Variants in L1CAM observed in about 807,000 individuals in gnomAD.
The protein encoded by L1CAM is L1 cell adhesion molecule, also known as neural cell adhesion molecule L1.
Under a neutral mutation model 93.0 loss-of-function variants are expected in L1CAM, and 8 were observed. The ratio of observed to expected loss-of-function variants is 0.09; its 90% CI spans 0.05 to 0.16. The LOEUF is 0.16. Ranked by LOEUF, L1CAM falls within the 10% of genes least tolerant of loss-of-function variation. L1CAM has a pLI of 1.00. For synonymous variants in L1CAM, 453 were observed against 453.0 expected, an observed-to-expected ratio of 1.00 and a Z score of 0.00; for missense variants, 777 against 1,073.4, an observed-to-expected ratio of 0.72 and a Z score of 3.86.
At chrX:153,873,666 G>A (rs951081949) in intron 2 of L1CAM, among the ~76,000 whole-genome samples, 1 of 112,738 alleles carries the variant, frequency 8.9e-6, no homozygotes, top group African/African-American at 3.2e-5. Context: ...CCCTGCTCCA[G>A]CCTGCTTCCC....
intron 2 of L1CAM, among the ~76,000 whole-genome samples, chrX:153,874,039 C>T (rs1410721393): frequency 8.9e-6 from 1 of 112,600 alleles, no homozygotes; most frequent in Non-Finnish European, 1.9e-5. Flanking sequence ...CCTGGGGACA[C>T]TGCAGAGGGC....
In L1CAM at chrX:153,867,384, G is replaced by A. The variant is rs782369760; in HGVS notation, c.2109C>T (p.Val703=). 1.7e-6 allele frequency: 2 copies of A among 1,210,130 alleles called. No individual in the cohort carries two copies. The highest frequency in any genetic ancestry group is 3.5e-5 in the South Asian group (2 of 56,889). Residue 703 remains valine, a synonymous_variant, in exon 17 of 29, where the codon GTC becomes GTT. Transcript: ENST00000370060. ...NKYGPGEPSP[V]SETVVTPEAA... The stretch of plus-strand genomic sequence containing the variant: ...CCTCAGGTGTGACCACAGTCTCAGA[G>A]ACCGGGCTGGGCTCCCCGGGGCCAT...
At chrX:153,866,626 G>A (rs1557090933) in intron 19 of L1CAM, 23 bp downstream of exon 19, 12 of 1,161,871 alleles carry the variant, frequency 1.0e-5, no homozygotes, top group South Asian at 3.6e-5. Flanking sequence ...AACCGTGGGC[G>A]AGGGGCCCTG....
In L1CAM at chrX:153,873,803, G is replaced by C. The variant is rs782794942; in HGVS notation, c.77-561C>G. ...GCCTCTGAGTTTCCATAGCCTGCGG[G>C]GTTGGCGCCAGCCCTCCTCTTCTCC... On this transcript the variant is annotated intron_variant, in intron 2 of 28. Coordinates refer to ENST00000370060, the MANE Select transcript of L1CAM (RefSeq NM_001278116.2). Among the ~76,000 whole-genome samples, 5 of 112,770 alleles carry C rather than the reference G, an allele frequency of 4.4e-5. No individual in the cohort carries two copies. The South Asian group carries it at 1.8e-3, about 41-fold the overall frequency.
chrX:153,885,721 C>G (rs2064875227), intron 1 of L1CAM: 2 of 414,004 alleles, frequency 4.8e-6, no homozygotes, highest in Non-Finnish European at 6.8e-6. Flanking sequence ...CTCAGACACG[C>G]ACACACGCAC....
intron 2 of L1CAM, 58 bp from the exon 3 acceptor site, chrX:153,873,300 C>T: frequency 8.8e-7 from 1 of 1,131,004 alleles, no homozygotes; most frequent in Non-Finnish European, 1.2e-6. Context: ...GACAGGCAGC[C>T]CCAGAGTGGG....
At chrX:153,871,870 T>G (rs868962293) in intron 5 of L1CAM, among the ~76,000 whole-genome samples, 3 of 9,130 alleles carry the variant, frequency 3.3e-4, no homozygotes, top group African/African-American at 7.3e-4. Flanking sequence ...CGCCCCCCCC[T>G]CCCCCCGCCA....
chrX:153,872,785 G>A, intron 3 of L1CAM, 88 bp from the exon 4 acceptor site: 1 of 786,267 alleles, frequency 1.3e-6, no homozygotes, highest in Non-Finnish European at 2.0e-6. Flanking sequence ...AGGGAAGCAG[G>A]GTCCAGAGCC....
At position 153,868,363 on chromosome X, in the gene L1CAM, G is replaced by T. The variant is rs1248519634; in HGVS notation, c.1642C>A (p.Gln548Lys). 2 of 1,209,996 alleles carry T rather than the reference G, an allele frequency of 1.7e-6. No homozygotes were observed. The highest frequency in any genetic ancestry group is 3.5e-5 in the African/African-American group (2 of 57,147). ...TCCCCACGCCAGGTGATGCTGGGCT[G>T]CAAGGAGGGGTCAAAGGAGGCCTGG... ...TCQASFDPSLQPSITWRGDGR... is the reference protein window; with the variant it reads ...TCQASFDPSLKPSITWRGDGR... The change falls in exon 14 of 29, where the codon CAG (glutamine) becomes AAG (lysine). Residue 548 changes from glutamine to lysine, a missense_variant. Physicochemically the swap from Gln to Lys is moderately conservative, Grantham distance 53 (BLOSUM62 1). Around this residue, in one of 5 missense-constraint regions of L1CAM, gnomAD observed 574 missense variants for 781.0 expected, o/e 0.73. Transcript: ENST00000370060.
chrX:153,869,746 C>G (rs2064750063), intron 10 of L1CAM, 57 bp downstream of exon 10: 1 of 1,203,076 alleles, frequency 8.3e-7, no homozygotes, highest in East Asian at 3.0e-5. Context: ...CTCTTCCTCT[C>G]CCCCACAGCC....
chrX:153,869,806 C>T lies in L1CAM; in HGVS notation c.1120G>A (p.Glu374Lys), dbSNP rs202070860. The T allele has an allele frequency of 8.3e-7, 1 of 1,211,054 alleles. No individual in the cohort carries two copies. The highest frequency in any genetic ancestry group is 1.1e-6 in the Non-Finnish European group (1 of 895,207). Reference sequence around the variant, plus strand: ...TCCTGCCTGAGGCCCTGCTCACCCTCCACAGGGATCCCGTTGATTCTCCAG... The same window carrying T: ...TCCTGCCTGAGGCCCTGCTCACCCTTCACAGGGATCCCGTTGATTCTCCAG... ...VTWRINGIPV[E>K]ELAKDQKYRI... The change falls in exon 10 of 29, where the codon GAG becomes AAG. Residue 374 changes from glutamate (E) to lysine (K), a missense_variant. By Grantham distance (56) the Glu-to-Lys change is moderately conservative. This residue lies in a region of L1CAM where 574 missense variants were observed against 781.0 expected (regional missense o/e 0.73). Coordinates refer to ENST00000370060, the MANE Select transcript of L1CAM (RefSeq NM_001278116.2).
intron 22 of L1CAM, 30 bp downstream of exon 22, chrX:153,865,058 C>T: frequency 9.1e-6 from 11 of 1,211,690 alleles, no homozygotes; most frequent in Non-Finnish European, 1.2e-5. Context: ...GCCCCTCCAC[C>T]TCCCTTCCCT....
chrX:153,863,104 G>A (rs917774497), intron 28 of L1CAM, among the ~76,000 whole-genome samples: 1 of 112,369 alleles, frequency 8.9e-6, no homozygotes, highest in East Asian at 2.8e-4. Context: ...ATGTGCGCTC[G>A]GCCAGGGGAT....
At chrX:153,885,396 G>A (rs1557096693) in intron 1 of L1CAM, 2 of 982,510 alleles carry the variant, frequency 2.0e-6, no homozygotes, top group South Asian at 4.0e-5. Flanking sequence ...GGCGCCCTAC[G>A]CCTCCGGGGA....
At chrX:153,876,027 A>G (rs932147108) in intron 1 of L1CAM, 83 bp from the exon 2 acceptor site, 5 of 471,625 alleles carry the variant, frequency 1.1e-5, no homozygotes, top group Non-Finnish European at 1.9e-5. Context: ...CATCTGGGTA[A>G]GCCCGGGCTC....
chrX:153,870,894 T>C lies in L1CAM; in HGVS notation c.590A>G (p.Asn197Ser). 4 of 1,210,986 alleles carry C rather than the reference T, an allele frequency of 3.3e-6. No individual in the cohort carries two copies. Among genetic ancestry groups the C allele is most frequent in the South Asian group, 1.8e-5 (1 of 56,955 alleles). ...MGQNGNLYFA[N>S]VLTSDNHSDY... Reference sequence around the variant, plus strand: ...TGAGTGGTTGTCGGAGGTGAGCACATTGGCAAAGTAGAGGTTGCCGTTCTG... The same window carrying C: ...TGAGTGGTTGTCGGAGGTGAGCACACTGGCAAAGTAGAGGTTGCCGTTCTG... The change falls in exon 7 of 29, where the codon AAT becomes AGT. Residue 197 changes from asparagine (N) to serine (S), a missense_variant. Physicochemically the swap from Asn to Ser is conservative, Grantham distance 46 (BLOSUM62 1). Coordinates refer to ENST00000370060, the MANE Select transcript of L1CAM (RefSeq NM_001278116.2).
intron 3 of L1CAM, chrX:153,872,987 C>A: frequency 2.2e-6 from 1 of 454,055 alleles, no homozygotes; most frequent in South Asian, 3.3e-5. Flanking sequence ...GGACAAACCC[C>A]AGACAGGGGA....
At chrX:153,877,627 CA>C (rs2064823455) in intron 1 of L1CAM, among the ~76,000 whole-genome samples, 1 of 110,941 alleles carries the variant, frequency 9.0e-6, no homozygotes, top group African/African-American at 3.3e-5. Flanking sequence ...AACTCCATCT[CA>C]AAAAAAAGAG....
intron 19 of L1CAM, 42 bp from the exon 20 acceptor site, chrX:153,865,861 C>T (rs1557090749): frequency 7.2e-6 from 7 of 965,805 alleles, no homozygotes; most frequent in African/African-American, 1.9e-5. Context: ...TAGGCTCTCA[C>T]CCCAGCCCTG....
Sources: allele counts gnomAD v4.1 joint callset (sites outside exome capture counted in the v4.1 genomes callset), GRCh38; gene constraint gnomAD v4.1.1; regional missense constraint gnomAD v4.1.1; transcripts MANE v1.5; gene names NCBI Gene and HGNC (gene_info 2026-07-23, HGNC 2026-07-21).